NBPF14: variants seen among roughly 807,000 people sequenced by gnomAD.
NBPF14 encodes the protein NBPF family member NBPF14.
Under a neutral mutation model 91.2 loss-of-function variants are expected in NBPF14, and 104 were observed. That is an observed-to-expected ratio of 1.14 (90% confidence interval 0.97 to 1.34). The LOEUF is 1.34. Ranked by LOEUF, NBPF14 falls within the 40% of genes most tolerant of loss-of-function variation. NBPF14 has a pLI of 0.00. For missense variants in NBPF14, 908 were observed against 783.0 expected, an observed-to-expected ratio of 1.16 and a Z score of -1.91; for synonymous variants, 294 against 303.8, an observed-to-expected ratio of 0.97 and a Z score of 0.34.
At chr1:148,557,029 A>G (rs1656680007) in intron 40 of NBPF14, among the ~76,000 whole-genome samples, 167 bp from the exon 41 acceptor site, 3 of 102,870 alleles carry the variant, frequency 2.9e-5, no homozygotes, top group African/African-American at 6.1e-5. Context: ...ACAGGGCCAA[A>G]TGGAAAAGAA....
chr1:148,591,260 CAT>C (rs1180432886), intron 5 of NBPF14, among the ~76,000 whole-genome samples, 170 bp downstream of exon 5: 13 of 148,846 alleles, frequency 8.7e-5, no homozygotes, highest in African/African-American at 2.9e-4. Context: ...ACTTGGCACA[CAT>C]AGAGAAACAC....
In NBPF14 at chr1:148,591,433, TG is replaced by T. The variant is rs1408356200; in HGVS notation, c.564del (p.Arg189GlyfsTer54). 2 of 1,605,746 alleles carry T rather than the reference TG, an allele frequency of 1.2e-6. No homozygotes were observed. Among genetic ancestry groups the T allele is most frequent in the Admixed American group, 3.3e-5 (2 of 59,786 alleles). On this transcript the variant is annotated frameshift_variant and splice_region_variant, in exon 5 of 71. Coordinates refer to ENST00000619423, the Ensembl canonical transcript of NBPF14. LOFTEE classifies it high-confidence loss of function. ...TTGCTCCTGAGTATTCAGTGTTACCTGGGGGCAGATGATTCCAGTACTTTCT... is the reference window on the plus strand; with the variant it reads ...TTGCTCCTGAGTATTCAGTGTTACCTGGGGCAGATGATTCCAGTACTTTCT...
chr1:148,535,005 G>C (rs1320896795), intron 68 of NBPF14, 149 bp from the exon 69 acceptor site: 3 of 705,162 alleles, frequency 4.3e-6, no homozygotes, highest in South Asian at 1.5e-5. Flanking sequence ...CTTTATGTTG[G>C]GATAGACCAG....
At chr1:148,593,315 G>A (rs1662805514) in intron 3 of NBPF14, among the ~76,000 whole-genome samples, 2 of 149,020 alleles carry the variant, frequency 1.3e-5, no homozygotes, top group Admixed American at 1.3e-4. Context: ...TATACTGAAT[G>A]CTGCTGGGTG....
intron 15 of NBPF14, 144 bp downstream of exon 15, chr1:148,577,039 G>A: frequency 6.2e-6 from 4 of 640,434 alleles, no homozygotes; most frequent in Non-Finnish European, 1.1e-5. Flanking sequence ...AGTGGAACTA[G>A]AGTTTCATTC....
At chr1:148,559,796 C>G in exon 37 of NBPF14, 1 of 1,506,094 alleles carries the variant, frequency 6.6e-7, no homozygotes, top group Non-Finnish European at 8.9e-7. Flanking sequence ...TACTCACCAT[C>G]CATGTCAACA....
At chr1:148,561,928 G>T (rs1657884885) in intron 34 of NBPF14, among the ~76,000 whole-genome samples, 1 of 122,696 alleles carries the variant, frequency 8.2e-6, no homozygotes, top group Non-Finnish European at 1.6e-5. Context: ...AGGACACACA[G>T]CATACAGGGA....
Position 148,575,629 on chromosome 1 carries a change from A to G in NBPF14, c.2251+10T>C. 1 of 158,308 alleles carries G rather than the reference A, an allele frequency of 6.3e-6. No individual in the cohort carries two copies. Among genetic ancestry groups the G allele is most frequent in the Non-Finnish European group, 1.1e-5 (1 of 88,814 alleles). The allele number at this position is 158,308 out of a possible 1,614,324, so 9.8% of individuals were successfully genotyped here. On this transcript the variant is annotated intron_variant, in intron 17 of 70. Coordinates refer to ENST00000619423, the Ensembl canonical transcript of NBPF14. ...GTGGAGGCTTATCACCTTCACAGTA[A>G]GGTACTCACTGTCCACGTCAAGAGC...
chr1:148,593,181 A>C, intron 3 of NBPF14, among the ~76,000 whole-genome samples: 1 of 134,174 alleles, frequency 7.5e-6, no homozygotes, highest in South Asian at 2.2e-4. Flanking sequence ...AAAAGATGAA[A>C]GAAGAAAAGA....
In NBPF14 at chr1:148,567,574, A is replaced by C; in HGVS notation, c.3490+139T>G. 4 of 226,252 alleles carry C rather than the reference A, an allele frequency of 1.8e-5. 1 individual carries two copies. The highest frequency in any genetic ancestry group is 9.3e-5 in the South Asian group (4 of 43,208). 14.0% of individuals were successfully genotyped at this position (226,252 alleles called of 1,614,324 possible). On this transcript the variant is annotated intron_variant, in intron 27 of 70. Transcript: ENST00000619423. ...GGCTTCCAACTGAGACTACAGTTTC[A>C]TTACAAACTATATGCGCCCATAGGT...
intron 68 of NBPF14, 97 bp downstream of exon 68, chr1:148,535,356 G>A (rs1206102477): frequency 4.9e-5 from 28 of 573,598 alleles, no homozygotes; most frequent in South Asian, 2.9e-4. Context: ...TTCAACCTTC[G>A]CTGAAAACAT....
chr1:148,557,292 G>A (rs1199187493), intron 40 of NBPF14, among the ~76,000 whole-genome samples, 199 bp downstream of exon 40: 1 of 107,112 alleles, frequency 9.3e-6, no homozygotes, highest in Non-Finnish European at 1.7e-5. Flanking sequence ...TCCACCTACA[G>A]TAGGTTAGTA....
rs1206733521 is a variant in NBPF14, at chr1:148,587,491, C to G, written c.989-88G>C. On this transcript the variant is annotated intron_variant, in intron 7 of 70. Transcript: ENST00000619423. ...TACAGGACAGGAGCCAGGTCCATCC[C>G]AAGGACAAAACTCTCCCCAGTACCA... The G allele has an allele frequency of 6.1e-6, 8 of 1,306,966 alleles. No individual in the cohort carries two copies. The East Asian group carries it at 1.6e-4, about 26-fold the overall frequency. 81.0% of individuals were successfully genotyped at this position (1,306,966 alleles called of 1,614,324 possible).
At chr1:148,538,283 G>A in intron 64 of NBPF14, among the ~76,000 whole-genome samples, 1 of 54,664 alleles carries the variant, frequency 1.8e-5, no homozygotes, top group African/African-American at 8.9e-5. Context: ...AATTGTCCAG[G>A]TGACACACTG....
In NBPF14 at chr1:148,533,842, C is replaced by G. The variant is rs1416319554; in HGVS notation, c.8723+19G>C. ...AGGAGTTAACACAGAACTAAGGATCCACAATTGCTGAAAGTCACCTGGGGC... is the reference window on the plus strand; with the variant it reads ...AGGAGTTAACACAGAACTAAGGATCGACAATTGCTGAAAGTCACCTGGGGC... On this transcript the variant is annotated intron_variant, in intron 70 of 70. Transcript: ENST00000619423. 1.7e-5 allele frequency: 13 copies of G among 766,074 alleles called. No individual in the cohort carries two copies. Among genetic ancestry groups the G allele is most frequent in the Non-Finnish European group, 2.9e-5 (12 of 418,648 alleles). The allele number at this position is 766,074 out of a possible 1,614,324, so 47.5% of individuals were successfully genotyped here.
chr1:148,587,487 A>C, intron 7 of NBPF14, 84 bp from the exon 8 acceptor site: 1 of 1,338,198 alleles, frequency 7.5e-7, no homozygotes, highest in South Asian at 1.2e-5. Flanking sequence ...AGCCAGGTCC[A>C]TCCCAAGGAC....
rs1386446711 is a variant in NBPF14 at position 148,576,096 on chromosome 1, G to C, written c.2079-285C>G. On this transcript the variant is annotated intron_variant, in intron 16 of 70. Coordinates refer to ENST00000619423, the Ensembl canonical transcript of NBPF14. ...AGGGGTTAAAGGACACTCTGAGTTA[G>C]TGCCCTCGGGACACACAGCGAACAG... is the stretch of plus-strand genomic sequence containing the variant. Among the ~76,000 whole-genome samples the C allele has an allele frequency of 1.1e-4, 15 of 139,034 alleles. 1 individual carries two copies. The highest frequency in any genetic ancestry group is 4.0e-4 in the African/African-American group (14 of 35,330). 91.2% of individuals were successfully genotyped at this position (139,034 alleles called of 152,430 possible).
rs1430325262 is a variant in NBPF14 at position 148,590,023 on chromosome 1, C to T, written c.779-630G>A. Among the ~76,000 whole-genome samples, 3 of 142,896 alleles carry T rather than the reference C, an allele frequency of 2.1e-5. 1 individual carries two copies. Among genetic ancestry groups the T allele is most frequent in the Non-Finnish European group, 3.1e-5 (2 of 63,862 alleles). The allele number at this position is 142,896 out of a possible 152,430, so 93.7% of individuals were successfully genotyped here. ...CTGGGATTAAGATGTGAGCCAGCGC[C>T]CCTGGTCAGAGACTTACTTTTTTTT... is the stretch of plus-strand genomic sequence containing the variant. On this transcript the variant is annotated intron_variant, in intron 6 of 70. Coordinates refer to ENST00000619423, the Ensembl canonical transcript of NBPF14.
exon 60 of NBPF14, chr1:148,541,786 C>G: frequency 2.4e-5 from 1 of 41,844 alleles, no homozygotes; most frequent in South Asian, 2.2e-4. Context: ...CTTCTTCTTT[C>G]CTTCTTTGAT....
Sources: gnomAD v4.1 joint callset for allele counts (sites outside exome capture counted in the v4.1 genomes callset) on GRCh38, gnomAD v4.1.1 for gene constraint, MANE v1.5 for transcripts, NCBI Gene and HGNC (gene_info 2026-07-23, HGNC 2026-07-21) for gene names.